AK9: variants seen among roughly 807,000 people sequenced by gnomAD.
The protein encoded by AK9 is adenylate kinase 9, also known as adenylate kinase domain containing 1.
Under a neutral mutation model 239.6 loss-of-function variants are expected in AK9, and 191 were observed. The observed-to-expected ratio is 0.80, with a 90% confidence interval of 0.71 to 0.90. The LOEUF is 0.90. Among genes scored for constraint, AK9 ranks in the 40% least tolerant of loss-of-function variants. The probability of loss-of-function intolerance (pLI) is 0.00; values close to 1 mark genes in which losing one functional copy is unlikely to be tolerated. For missense variants in AK9, 1,995 were observed against 2,214.7 expected, an observed-to-expected ratio of 0.90 and a Z score of 1.99; for synonymous variants, 689 against 721.0, an observed-to-expected ratio of 0.96 and a Z score of 0.71.
At chr6:109,680,286 G>A (rs1188367029) in intron 1 of AK9, among the ~76,000 whole-genome samples, 1 of 152,108 alleles carries the variant, frequency 6.6e-6, no homozygotes, top group African/African-American at 2.4e-5. Context: ...GAAAAACACA[G>A]CACAAGAACT....
At chr6:109,645,136 T>G (rs758028087) in intron 8 of AK9, among the ~76,000 whole-genome samples, 10 of 152,190 alleles carry the variant, frequency 6.6e-5, no homozygotes, top group Non-Finnish European at 1.2e-4. Context: ...GCTCCCAGCG[T>G]GATCGATGCA....
chr6:109,678,817 C>A (rs912918972), intron 1 of AK9, among the ~76,000 whole-genome samples: 1 of 151,946 alleles, frequency 6.6e-6, no homozygotes, highest in East Asian at 1.9e-4. Flanking sequence ...TAAGCTGAAG[C>A]GGGGTGAGGC....
chr6:109,506,658 G>T lies in AK9; in HGVS notation c.4624C>A (p.Gln1542Lys). 1.3e-6 allele frequency: 2 copies of T among 1,529,348 alleles called. No homozygotes were observed. Among genetic ancestry groups the T allele is most frequent in the Non-Finnish European group, 1.8e-6 (2 of 1,132,598 alleles). 94.7% of individuals were successfully genotyped at this position (1,529,348 alleles called of 1,614,324 possible). The change falls in exon 34 of 41, where the codon CAA becomes AAA. Residue 1542 changes from glutamine to lysine, a missense_variant. Gln to Lys is a moderately conservative substitution (Grantham distance 53, BLOSUM62 1). Transcript: ENST00000424296. ...KRLLLEKENE[Q>K]RLPYPLHNSA... ...TGTCTTCATCATGTACATTACCTTT[G>T]TTCATTTTCTTTTTCTAGGAGCAAT...
At chr6:109,674,399 G>A in intron 2 of AK9, 138 bp from the exon 3 acceptor site, 2 of 572,672 alleles carry the variant, frequency 3.5e-6, no homozygotes, top group Non-Finnish European at 5.9e-6. Flanking sequence ...ATGAAGAATA[G>A]ACCCTAGATA....
At chr6:109,612,638 T>C (rs1793709356) in intron 15 of AK9, among the ~76,000 whole-genome samples, 1 of 151,492 alleles carries the variant, frequency 6.6e-6, no homozygotes, top group Admixed American at 6.6e-5. Flanking sequence ...GTATAGGGGG[T>C]GGGGTCGTTC....
In AK9 at chr6:109,493,358, A is replaced by T; in HGVS notation, c.*11T>A. 1 of 1,607,840 alleles carries T rather than the reference A, an allele frequency of 6.2e-7. No homozygotes were observed. Among genetic ancestry groups the T allele is most frequent in the Non-Finnish European group, 8.5e-7 (1 of 1,174,804 alleles). On this transcript the variant is annotated 3_prime_UTR_variant, in exon 41 of 41. Coordinates refer to ENST00000424296, the MANE Select transcript of AK9 (RefSeq NM_001145128.3). ...AACTCTTGAGATTCAGGCTGCTATC[A>T]CCTAAGTAAACTACCCATTAATTGG...
intron 7 of AK9, among the ~76,000 whole-genome samples, chr6:109,657,821 C>T (rs778703089): frequency 6.6e-6 from 1 of 152,022 alleles, no homozygotes; most frequent in Non-Finnish European, 1.5e-5. Flanking sequence ...AGAGAAAGAA[C>T]ATTTTAAGGT....
At chr6:109,657,722 C>T (rs1303270389) in intron 7 of AK9, among the ~76,000 whole-genome samples, 1 of 151,964 alleles carries the variant, frequency 6.6e-6, no homozygotes, top group Non-Finnish European at 1.5e-5. Context: ...CTGACAGGCT[C>T]TGGTGTGTGA....
At chr6:109,655,924 T>A (rs1799640005) in intron 8 of AK9, among the ~76,000 whole-genome samples, 1 of 152,188 alleles carries the variant, frequency 6.6e-6, no homozygotes, top group Non-Finnish European at 1.5e-5. Flanking sequence ...TAAGTGTGGT[T>A]CTCATTTTGG....
Position 109,573,511 on chromosome 6 carries a change from C to A in AK9, c.2275G>T (p.Asp759Tyr), listed in dbSNP as rs112167535. Residue 759 changes from aspartate to tyrosine, a missense_variant, in exon 21 of 41, where the codon GAT (aspartate) becomes TAT (tyrosine). By Grantham distance (160) the Asp-to-Tyr change is radical (BLOSUM62 -3). Transcript: ENST00000424296. ...TCAGGTAACCATGACCCTCGGGTATCGTGAGATGCCTCAGGCTCTTCGTGA... is the reference window on the plus strand; with the variant it reads ...TCAGGTAACCATGACCCTCGGGTATAGTGAGATGCCTCAGGCTCTTCGTGA... ...EVHEEPEASH[D>Y]TRGSWLPEEF... is the part of the protein sequence containing the mutation. 3.5e-5 allele frequency: 54 copies of A among 1,551,428 alleles called. No individual in the cohort carries two copies. The African/African-American group carries it at 4.4e-4, about 13-fold the overall frequency.
At chr6:109,568,136 A>T (rs1353297125) in intron 21 of AK9, among the ~76,000 whole-genome samples, 1 of 152,216 alleles carries the variant, frequency 6.6e-6, no homozygotes, top group African/African-American at 2.4e-5. Flanking sequence ...ACACAAATCA[A>T]TAAACGTAAT....
At chr6:109,682,632 T>A in intron 1 of AK9, among the ~76,000 whole-genome samples, 1 of 151,900 alleles carries the variant, frequency 6.6e-6, no homozygotes, top group Admixed American at 6.5e-5. Context: ...TCTCAGCAAA[T>A]AAACTAGAAA....
At chr6:109,514,123 T>C in intron 32 of AK9, 101 bp downstream of exon 32, 1 of 1,133,282 alleles carries the variant, frequency 8.8e-7, no homozygotes. Flanking sequence ...AATGTCTTTT[T>C]CTGCTGCAAC....
At chr6:109,497,333 C>CAA (rs1366151459) in intron 38 of AK9, 132 bp downstream of exon 38, 1 of 509,414 alleles carries the variant, frequency 2.0e-6, no homozygotes, top group African/African-American at 3.7e-5. Flanking sequence ...TGTTCACACA[C>CAA]ACACACACAC....
chr6:109,654,558 T>C (rs554452184), intron 8 of AK9, among the ~76,000 whole-genome samples: 1 of 152,252 alleles, frequency 6.6e-6, no homozygotes, highest in East Asian at 1.9e-4. Flanking sequence ...CTCGAACTCC[T>C]GAGCTCAGGC....
At chr6:109,636,954 G>A (rs1562528671) in intron 10 of AK9, among the ~76,000 whole-genome samples, 1 of 152,054 alleles carries the variant, frequency 6.6e-6, no homozygotes, top group Non-Finnish European at 1.5e-5. Flanking sequence ...AGAATTCTAT[G>A]TTTAACTTTT....
intron 31 of AK9, among the ~76,000 whole-genome samples, chr6:109,515,064 A>G (rs2128114693): frequency 6.6e-6 from 1 of 152,344 alleles, no homozygotes; most frequent in South Asian, 2.1e-4. Context: ...TTGCCTTGTC[A>G]GAAAAACCAA....
rs570001663 is a variant in AK9, at chr6:109,623,423, G to C, written c.1255-4187C>G. Among the ~76,000 whole-genome samples the C allele has an allele frequency of 5.9e-5, 9 of 152,254 alleles. 1 individual carries two copies. In the South Asian group the frequency reaches 1.9e-3, roughly 32 times the overall value. Reference sequence around the variant, plus strand: ...TGAGGGTAGTCAGCTGCCAGGTCATGAGGACACATAAGCAGTCCTATGAAG... The same window carrying C: ...TGAGGGTAGTCAGCTGCCAGGTCATCAGGACACATAAGCAGTCCTATGAAG... On this transcript the variant is annotated intron_variant, in intron 12 of 40. Transcript: ENST00000424296.
intron 35 of AK9, among the ~76,000 whole-genome samples, chr6:109,499,890 C>T (rs1046268972): frequency 3.3e-5 from 5 of 152,130 alleles, no homozygotes; most frequent in South Asian, 2.1e-4. Flanking sequence ...ATGAGCCTTC[C>T]GTGCCTGGCC....
Sources: allele counts gnomAD v4.1 joint callset (sites outside exome capture counted in the v4.1 genomes callset), GRCh38; gene constraint gnomAD v4.1.1; transcripts MANE v1.5; gene names NCBI Gene and HGNC (gene_info 2026-07-23, HGNC 2026-07-21).